Variants in SLC1A2 observed in about 807,000 individuals in gnomAD.
SLC1A2 encodes the protein excitatory amino acid transporter 2.
In SLC1A2, 15 loss-of-function variants were observed where a neutral mutation model predicts 48.8. The observed-to-expected ratio is 0.31, with a 90% CI of 0.21 to 0.47. The LOEUF (loss-of-function observed/expected upper bound fraction) is 0.47. SLC1A2 is among the 20% of genes least tolerant of loss of function. The pLI is 0.99. For missense variants in SLC1A2, 502 were observed against 730.5 expected (o/e 0.69, Z 3.61); for synonymous variants, 279 against 272.6 (o/e 1.02, Z -0.23).
intron 6 of SLC1A2, chr11:35,299,543 C>T (rs755748083): frequency 2.0e-5 from 3 of 152,032 alleles, no homozygotes; most frequent in Non-Finnish European, 4.4e-5. Flanking sequence ...GTTTTAAAAG[C>T]ACCGTAAAAC....
At chr11:35,299,347 CTCTCTCTG>C (rs1309351258) in intron 6 of SLC1A2, 5 of 123,318 alleles carry the variant, frequency 4.1e-5, no homozygotes, top group African/African-American at 1.4e-4. Flanking sequence ...CTCTCTCTCT[CTCTCTCTG>C]TGTGTGTGTG....
intron 1 of SLC1A2, among the ~76,000 whole-genome samples, chr11:35,402,604 C>A (rs1048406879): frequency 6.6e-6 from 1 of 152,188 alleles, no homozygotes; most frequent in Non-Finnish European, 1.5e-5. Context: ...GTTGTGGAAA[C>A]CCCCTGAAAT....
intron 1 of SLC1A2, among the ~76,000 whole-genome samples, chr11:35,336,822 T>C (rs1373788970): frequency 6.6e-6 from 1 of 152,210 alleles, no homozygotes; most frequent in Non-Finnish European, 1.5e-5. Flanking sequence ...GCTTTCCATA[T>C]GGCCCATGAA....
At chr11:35,322,744 G>T in intron 1 of SLC1A2, 1 of 907,934 alleles carries the variant, frequency 1.1e-6, no homozygotes, top group Non-Finnish European at 1.7e-6. Flanking sequence ...TGTTGTATTT[G>T]GATAAGAATG....
At chr11:35,399,231 C>G (rs1207492946) in intron 1 of SLC1A2, among the ~76,000 whole-genome samples, 1 of 152,088 alleles carries the variant, frequency 6.6e-6, no homozygotes, top group African/African-American at 2.4e-5. Context: ...CAATTTAGTC[C>G]CTCTTTATCC....
At chr11:35,284,158 G>A (rs1850740179) in intron 8 of SLC1A2, among the ~76,000 whole-genome samples, 1 of 147,502 alleles carries the variant, frequency 6.8e-6, no homozygotes, top group African/African-American at 2.5e-5. Flanking sequence ...GAGGCAGTGT[G>A]TGTAATGGTT....
chr11:35,378,011 AG>A (rs1482242428), intron 1 of SLC1A2, among the ~76,000 whole-genome samples: 1 of 152,216 alleles, frequency 6.6e-6, no homozygotes, highest in Non-Finnish European at 1.5e-5. Flanking sequence ...AGGAACTTGG[AG>A]GTTCCTTTAG....
intron 1 of SLC1A2, 121 bp downstream of exon 1, chr11:35,418,829 C>A (rs1219342537): frequency 2.4e-6 from 2 of 819,428 alleles, no homozygotes; most frequent in South Asian, 1.5e-5. Context: ...AGCCAAGCTA[C>A]GGCTCCGCCA....
At chr11:35,373,052 T>C (rs1854108853) in intron 1 of SLC1A2, among the ~76,000 whole-genome samples, 1 of 152,106 alleles carries the variant, frequency 6.6e-6, no homozygotes, top group African/African-American at 2.4e-5. Context: ...TGATCAGAGA[T>C]TCAGGCCTAT....
chr11:35,345,885 C>A (rs1201323204), intron 1 of SLC1A2, among the ~76,000 whole-genome samples: 5 of 152,118 alleles, frequency 3.3e-5, no homozygotes, highest in Non-Finnish European at 7.4e-5. Flanking sequence ...GTTTTATATT[C>A]ATTTTAACTC....
chr11:35,339,738 C>G (rs879416005), intron 1 of SLC1A2, among the ~76,000 whole-genome samples: 6 of 152,060 alleles, frequency 3.9e-5, no homozygotes, highest in Non-Finnish European at 8.8e-5. Flanking sequence ...CAAATATATA[C>G]ATGTATAATT....
chr11:35,286,704 G>A (rs1850832500), intron 8 of SLC1A2, 53 bp downstream of exon 8: 1 of 1,367,820 alleles, frequency 7.3e-7, no homozygotes, highest in Non-Finnish European at 1.0e-6. Context: ...TGGAGTTAGT[G>A]TGGAGGGGAA....
chr11:35,293,979 A>C (rs1016981216), intron 6 of SLC1A2, among the ~76,000 whole-genome samples: 9 of 152,220 alleles, frequency 5.9e-5, no homozygotes, highest in Admixed American at 2.0e-4. Context: ...TGGGGATTAA[A>C]TTTTTGAGCA....
intron 1 of SLC1A2, among the ~76,000 whole-genome samples, chr11:35,354,361 G>C (rs1236219527): frequency 6.6e-6 from 1 of 152,172 alleles, no homozygotes; most frequent in African/African-American, 2.4e-5. Flanking sequence ...CAGGAAGTCT[G>C]AGGTGGAGGG....
chr11:35,343,651 T>C (rs1852922811), intron 1 of SLC1A2, among the ~76,000 whole-genome samples: 1 of 151,728 alleles, frequency 6.6e-6, no homozygotes, highest in Non-Finnish European at 1.5e-5. Flanking sequence ...AGGATGGAGG[T>C]CCCCTGGGAA....
At chr11:35,365,424 C>T (rs1415472851) in intron 1 of SLC1A2, among the ~76,000 whole-genome samples, 1 of 152,172 alleles carries the variant, frequency 6.6e-6, no homozygotes, top group Non-Finnish European at 1.5e-5. Context: ...TCCACAATCA[C>T]CAAAGATCAT....
At chr11:35,345,596 A>C (rs1852999267) in intron 1 of SLC1A2, among the ~76,000 whole-genome samples, 1 of 152,122 alleles carries the variant, frequency 6.6e-6, no homozygotes, top group South Asian at 2.1e-4. Flanking sequence ...CGGGGAGCTG[A>C]AGGTTACCTC....
Position 35,414,324 on chromosome 11 carries a change from G to A in SLC1A2, c.17+4626C>T, listed in dbSNP as rs115694735. Among the ~76,000 whole-genome samples, 1,388 of 151,896 alleles carry A rather than the reference G, an allele frequency of 9.1e-3. 17 individuals are homozygous for A. Among genetic ancestry groups the A allele is most frequent in the African/African-American group, 0.031 (1,302 of 41,406 alleles). On this transcript the variant is annotated intron_variant, in intron 1 of 10. Coordinates refer to ENST00000278379, the MANE Select transcript of SLC1A2 (RefSeq NM_004171.4). ...TCCTTTCATTCTCCTTTAATACTGC[G>A]GGCCCATTGTCTTTTCTGACATCAT...
chr11:35,322,972 A>T, intron 1 of SLC1A2: 1 of 578,188 alleles, frequency 1.7e-6, no homozygotes, highest in Non-Finnish European at 3.1e-6. Context: ...TGTGTCAAAG[A>T]TGTTTACCAA....
Sources: gnomAD v4.1 joint callset for allele counts (sites outside exome capture counted in the v4.1 genomes callset) on GRCh38, gnomAD v4.1.1 for gene constraint, MANE v1.5 for transcripts, NCBI Gene and HGNC (gene_info 2026-07-23, HGNC 2026-07-21) for gene names.